TMEM127: variants seen among roughly 807,000 people sequenced by gnomAD.
TMEM127 encodes transmembrane protein 127.
TMEM127 carries 21 observed loss-of-function variants against 20.1 expected under a neutral mutation model. That is an observed-to-expected ratio of 1.04 (90% CI 0.74 to 1.50). The LOEUF is 1.50. Among genes scored for constraint, TMEM127 ranks in the 40% most tolerant of loss-of-function variants. The probability of loss-of-function intolerance (pLI) is 0.00; values close to 1 mark genes in which losing one functional copy is unlikely to be tolerated. For missense variants in TMEM127, 303 were observed against 317.4 expected (o/e 0.95, Z 0.34); for synonymous variants, 150 against 144.7 (o/e 1.04, Z -0.26).
intron 2 of TMEM127, chr2:96,260,387 T>C (rs913425800): frequency 6.6e-6 from 1 of 152,204 alleles, no homozygotes; most frequent in African/African-American, 2.4e-5. Context: ...GTTATGTATG[T>C]AGGATTTTAT....
At chr2:96,263,113 G>A (rs1684344768) in intron 2 of TMEM127, among the ~76,000 whole-genome samples, 1 of 150,648 alleles carries the variant, frequency 6.6e-6, no homozygotes, top group Non-Finnish European at 1.5e-5. Flanking sequence ...GTGCAGTGGT[G>A]TGATCTTGGG....
intron 2 of TMEM127, among the ~76,000 whole-genome samples, chr2:96,263,397 T>TGCTC (rs1160262514): frequency 1.4e-5 from 2 of 146,922 alleles, no homozygotes; most frequent in Non-Finnish European, 1.5e-5. Flanking sequence ...AGTTTCGCTC[T>TGCTC]TGTTGCCCAG....
At chr2:96,256,860 A>T (rs1473511272) in intron 2 of TMEM127, among the ~76,000 whole-genome samples, 1 of 152,194 alleles carries the variant, frequency 6.6e-6, no homozygotes, top group African/African-American at 2.4e-5. Context: ...TGGAAAGTAA[A>T]GGGAAATAGA....
Position 96,253,570 on chromosome 2 carries a change from G to C in TMEM127, c.*238C>G. The C allele has an allele frequency of 1.8e-6, 1 of 541,844 alleles. No homozygotes were observed. Among genetic ancestry groups the C allele is most frequent in the South Asian group, 2.7e-5 (1 of 36,464 alleles). 33.6% of individuals were successfully genotyped at this position (541,844 alleles called of 1,614,324 possible). On this transcript the variant is annotated 3_prime_UTR_variant, in exon 4 of 4. Transcript: ENST00000258439. This position sits in a 1 kb window ranked among gnomAD's most constrained non-coding sequence, Gnocchi z 4.3. ...CTGGCTGGTAATGACTCGTGAATGT[G>C]AAGGGGGCAGGATGTGGCAGGAGGG...
chr2:96,254,751 C>G lies in TMEM127; in HGVS notation c.409+82G>C, dbSNP rs957701097. On this transcript the variant is annotated intron_variant, in intron 3 of 3. Coordinates refer to ENST00000258439, the MANE Select transcript of TMEM127 (RefSeq NM_017849.4). ...TGGAAGGGTGCCTGCTCAGAGAAAC[C>G]AGAGCCCCCACCGGCAACTCAGACA... 7.6e-6 allele frequency: 12 copies of G among 1,582,440 alleles called. No homozygotes were observed. The African/African-American group carries it at 8.1e-5, about 11-fold the overall frequency.
In TMEM127 at chr2:96,249,333, T is replaced by C; in HGVS notation, c.*4475A>G. The stretch of plus-strand genomic sequence containing the variant: ...GAATGGTCTCGATCTCCTGACCTTG[T>C]GATCCACCCACCTCGGCCTCCCAAA... On this transcript the variant is annotated 3_prime_UTR_variant, in exon 4 of 4. Coordinates refer to ENST00000258439, the MANE Select transcript of TMEM127 (RefSeq NM_017849.4). 1 of 209,914 alleles carries C rather than the reference T, an allele frequency of 4.8e-6. No individual in the cohort carries two copies. Among genetic ancestry groups the C allele is most frequent in the East Asian group, 7.1e-5 (1 of 14,010 alleles). 13.0% of individuals were successfully genotyped at this position (209,914 alleles called of 1,614,324 possible). A position where few individuals can be genotyped will look rare whatever the true frequency, so the allele number is the denominator to read the frequency against.
At chr2:96,263,234 T>C (rs1684346801) in intron 2 of TMEM127, among the ~76,000 whole-genome samples, 1 of 151,962 alleles carries the variant, frequency 6.6e-6, no homozygotes, top group East Asian at 1.9e-4. Flanking sequence ...TTTGTATTTT[T>C]AGTAGAGACA....
chr2:96,254,261 G>T, intron 3 of TMEM127, 146 bp from the exon 4 acceptor site: 1 of 1,100,900 alleles, frequency 9.1e-7, no homozygotes, highest in Non-Finnish European at 1.3e-6. Context: ...GAGCTCTCTT[G>T]ACCATGGGAT....
chr2:96,259,685 C>T (rs1200750740), intron 2 of TMEM127, among the ~76,000 whole-genome samples: 1 of 152,180 alleles, frequency 6.6e-6, no homozygotes, highest in Non-Finnish European at 1.5e-5. Context: ...GGACCTGGCG[C>T]CGAATCCTAG....
intron 2 of TMEM127, among the ~76,000 whole-genome samples, chr2:96,256,405 C>T (rs1212157487): frequency 1.3e-5 from 2 of 151,590 alleles, no homozygotes; most frequent in Non-Finnish European, 2.9e-5. Context: ...AACCCTGTCT[C>T]TACTAAAAAT....
chr2:96,252,196 CCA>C lies in TMEM127; in HGVS notation c.*1610_*1611del, dbSNP rs574124360. 82 of 233,394 alleles carry C rather than the reference CCA, an allele frequency of 3.5e-4. 1 individual carries two copies. Among genetic ancestry groups the C allele is most frequent in the Admixed American group, 2.6e-3 (47 of 17,798 alleles). The allele number at this position is 233,394 out of a possible 1,614,324, so 14.5% of individuals were successfully genotyped here. ...CATGCAGGCATCTGTCCGGACATCC[CCA>C]GTCAATCTGGCCAAAGGATGGGACA... On this transcript the variant is annotated 3_prime_UTR_variant, in exon 4 of 4. Transcript: ENST00000258439. This position sits in a 1 kb window ranked among gnomAD's most constrained non-coding sequence, Gnocchi z 4.2.
Position 96,265,225 on chromosome 2 carries a change from A to G in TMEM127, c.157T>C (p.Trp53Arg). Reference sequence around the variant, plus strand: ...CAGGTGCCTCCGTGGATGTGCAACCAGGCGGGCTCGGCGAGGGCAGTGCAC... The same window carrying G: ...CAGGTGCCTCCGTGGATGTGCAACCGGGCGGGCTCGGCGAGGGCAGTGCAC... ...ALCTALAEPA[W>R]LHIHGGTCSR... is the part of the protein sequence containing the mutation. Residue 53 changes from tryptophan (W) to arginine (R), a missense_variant, in exon 2 of 4, where the codon TGG (tryptophan) becomes CGG (arginine). Trp to Arg is a moderately radical substitution (Grantham distance 101). Coordinates refer to ENST00000258439, the MANE Select transcript of TMEM127 (RefSeq NM_017849.4). The G allele has an allele frequency of 6.2e-7, 1 of 1,604,008 alleles. No homozygotes were observed. Among genetic ancestry groups the G allele is most frequent in the Non-Finnish European group, 8.5e-7 (1 of 1,177,590 alleles).
Position 96,253,750 on chromosome 2 carries a change from C to G in TMEM127, c.*58G>C. ...CTGGGGAAAGGAGCTCCTCTGGGTG[C>G]GAGAGGAGCTGCAGAGTTGAGGGAG... On this transcript the variant is annotated 3_prime_UTR_variant, in exon 4 of 4. Transcript: ENST00000258439. This position sits in a 1 kb window ranked among gnomAD's most constrained non-coding sequence, Gnocchi z 4.3. The G allele has an allele frequency of 1.9e-6, 3 of 1,553,704 alleles. No individual in the cohort carries two copies. Among genetic ancestry groups the G allele is most frequent in the Non-Finnish European group, 2.6e-6 (3 of 1,145,116 alleles).
At chr2:96,255,139 T>G in intron 2 of TMEM127, 142 bp from the exon 3 acceptor site, 1 of 1,187,462 alleles carries the variant, frequency 8.4e-7, no homozygotes, top group Non-Finnish European at 1.2e-6. Context: ...CCCCTGCTCC[T>G]GGGTGGTCTG....
intron 2 of TMEM127, among the ~76,000 whole-genome samples, chr2:96,261,933 C>A (rs982034543): frequency 6.6e-6 from 1 of 152,146 alleles, no homozygotes; most frequent in Non-Finnish European, 1.5e-5. Flanking sequence ...CCATCACCGG[C>A]AGAGACCTGG....
rs909036575 is a variant in TMEM127, at chr2:96,249,818, C to G, written c.*3990G>C. On this transcript the variant is annotated 3_prime_UTR_variant, in exon 4 of 4. Transcript: ENST00000258439. ...AGGCAAGATGCCAGCTGAAGATTCT[C>G]TAGTCATCTTGGGAAAGCCGCCCTG... 2 of 233,192 alleles carry G rather than the reference C, an allele frequency of 8.6e-6. No homozygotes were observed. The highest frequency in any genetic ancestry group is 1.7e-5 in the Non-Finnish European group (2 of 118,064). 14.4% of individuals were successfully genotyped at this position (233,192 alleles called of 1,614,324 possible).
rs1437093755 is a variant in TMEM127 at position 96,250,536 on chromosome 2, TTGTC to T, written c.*3268_*3271del. On this transcript the variant is annotated 3_prime_UTR_variant, in exon 4 of 4. Coordinates refer to ENST00000258439, the MANE Select transcript of TMEM127 (RefSeq NM_017849.4). ...ATATTTCATGGTGCCTAATGGTGCT[TTGTC>T]TGAATGGACATGAAATGAGAACACA... 121 of 232,964 alleles carry T rather than the reference TTGTC, an allele frequency of 5.2e-4. 1 individual carries two copies. The highest frequency in any genetic ancestry group is 2.5e-3 in the African/African-American group (115 of 45,422). The allele number at this position is 232,964 out of a possible 1,614,324, so 14.4% of individuals were successfully genotyped here.
Position 96,255,846 on chromosome 2 carries a change from G to A in TMEM127, c.245-849C>T, listed in dbSNP as rs566425361. 3.3e-5 allele frequency among the ~76,000 whole-genome samples: 5 copies of A among 152,042 alleles called. No homozygotes were observed. The East Asian group carries it at 5.8e-4, about 18-fold the overall frequency. ...AAAAAAAAAATTAGCTGGGCATGGT[G>A]GCGCATGCCTATAGTCTTAGCTCCT... is the stretch of plus-strand genomic sequence containing the variant. On this transcript the variant is annotated intron_variant, in intron 2 of 3. Coordinates refer to ENST00000258439, the MANE Select transcript of TMEM127 (RefSeq NM_017849.4).
At chr2:96,263,045 T>A (rs867349921) in intron 2 of TMEM127, among the ~76,000 whole-genome samples, 6 of 151,160 alleles carry the variant, frequency 4.0e-5, no homozygotes, top group Admixed American at 1.3e-4. Context: ...CACCAAGAAT[T>A]TACTTTTTTT....
Sources: gnomAD v4.1 joint callset for allele counts (sites outside exome capture counted in the v4.1 genomes callset) on GRCh38, gnomAD v4.1.1 for gene constraint, Gnocchi (gnomAD v3.1) non-coding constraint, MANE v1.5 for transcripts, NCBI Gene and HGNC (gene_info 2026-07-23, HGNC 2026-07-21) for gene names.